Variants in ZBTB20 observed in about 807,000 individuals in gnomAD.
ZBTB20 encodes zinc finger and BTB domain-containing protein 20.
ZBTB20 carries 9 observed loss-of-function variants against 56.9 expected under a neutral mutation model. The observed-to-expected ratio is 0.16, with a 90% confidence interval of 0.10 to 0.28. The LOEUF is 0.28. Among genes scored for constraint, ZBTB20 ranks in the 10% least tolerant of loss-of-function variants. The probability of loss-of-function intolerance (pLI) is 1.00; values close to 1 mark genes in which losing one functional copy is unlikely to be tolerated. For missense variants in ZBTB20, 655 were observed against 1,003.0 expected (o/e 0.65, Z 4.69); for synonymous variants, 417 against 420.7 (o/e 0.99, Z 0.11).
At chr3:114,562,432 G>A (rs1260537365) in intron 6 of ZBTB20, among the ~76,000 whole-genome samples, 1 of 152,052 alleles carries the variant, frequency 6.6e-6, no homozygotes. Context: ...AAAAGTGCTG[G>A]GATTACAGGA....
intron 6 of ZBTB20, among the ~76,000 whole-genome samples, chr3:114,641,086 CCAGAAGGGAAA>C (rs1278904626): frequency 1.3e-4 from 20 of 151,916 alleles, no homozygotes; most frequent in Non-Finnish European, 2.6e-4. Context: ...ATTTTAAAAA[CCAGAAGGGAAA>C]GAACTACATA....
chr3:114,784,739 C>G (rs191259703), intron 5 of ZBTB20, among the ~76,000 whole-genome samples: 177 of 152,160 alleles, frequency 1.2e-3, no homozygotes, highest in Admixed American at 3.0e-3. Flanking sequence ...TGAATAAATG[C>G]CAGTTTTTCC....
In ZBTB20 at chr3:115,050,993, G is replaced by A. The variant is rs1025543676; in HGVS notation, c.-507+20226C>T. ...TTTTTAGCACAATCTTCAATTTCAGGTATAAGCTTCAATTCCTATACTCAG... is the reference window on the plus strand; with the variant it reads ...TTTTTAGCACAATCTTCAATTTCAGATATAAGCTTCAATTCCTATACTCAG... On this transcript the variant is annotated intron_variant, in intron 2 of 11. Transcript: ENST00000675478. 7.9e-5 allele frequency among the ~76,000 whole-genome samples: 12 copies of A among 152,008 alleles called. No individual in the cohort carries two copies. The East Asian group carries it at 1.7e-3, about 22-fold the overall frequency.
chr3:114,651,118 T>A (rs1165711205), intron 6 of ZBTB20, among the ~76,000 whole-genome samples: 1 of 152,130 alleles, frequency 6.6e-6, no homozygotes, highest in East Asian at 1.9e-4. Flanking sequence ...CTAGAATATG[T>A]GTTTAAAAAG....
chr3:114,944,076 T>C (rs2076809419), intron 3 of ZBTB20, among the ~76,000 whole-genome samples: 1 of 145,946 alleles, frequency 6.9e-6, no homozygotes, highest in Admixed American at 6.6e-5. Flanking sequence ...AACAAAGCCA[T>C]GATATCTTTA....
chr3:114,359,746 C>T (rs2081611009), intron 10 of ZBTB20, among the ~76,000 whole-genome samples: 1 of 152,176 alleles, frequency 6.6e-6, no homozygotes, highest in Non-Finnish European at 1.5e-5. Flanking sequence ...TTGAACTTGG[C>T]TTTGAATAGA....
At chr3:114,703,595 T>A (rs1224826858) in intron 5 of ZBTB20, among the ~76,000 whole-genome samples, 1 of 152,048 alleles carries the variant, frequency 6.6e-6, no homozygotes, top group Non-Finnish European at 1.5e-5. Flanking sequence ...TAACTCACAA[T>A]ACCCTTCTCA....
At chr3:114,801,760 G>C (rs1447321481) in intron 4 of ZBTB20, among the ~76,000 whole-genome samples, 1 of 151,698 alleles carries the variant, frequency 6.6e-6, no homozygotes, top group Non-Finnish European at 1.5e-5. Context: ...TATGGGTTTA[G>C]CGTGCCCCAT....
intron 5 of ZBTB20, among the ~76,000 whole-genome samples, chr3:114,782,538 A>T (rs921255580): frequency 6.6e-6 from 1 of 152,152 alleles, no homozygotes; most frequent in African/African-American, 2.4e-5. Context: ...CCCCTTAACC[A>T]TAATAACTTT....
intron 1 of ZBTB20, among the ~76,000 whole-genome samples, chr3:115,106,889 C>T (rs1052483667): frequency 6.6e-6 from 1 of 151,970 alleles, no homozygotes; most frequent in South Asian, 2.1e-4. Context: ...ATATCTGAAG[C>T]TCAAAAAAGT....
At chr3:115,018,567 G>A (rs906682228) in intron 2 of ZBTB20, among the ~76,000 whole-genome samples, 13 of 151,436 alleles carry the variant, frequency 8.6e-5, no homozygotes, top group African/African-American at 3.1e-4. Context: ...AGATTGATAT[G>A]TTCCCAAGAT....
At chr3:115,068,355 A>C (rs1237494197) in intron 2 of ZBTB20, among the ~76,000 whole-genome samples, 1 of 152,090 alleles carries the variant, frequency 6.6e-6, no homozygotes. Flanking sequence ...CAACCAACTA[A>C]AGAATAAACA....
chr3:114,361,541 C>G (rs1023136658), intron 10 of ZBTB20, among the ~76,000 whole-genome samples: 2 of 152,198 alleles, frequency 1.3e-5, no homozygotes, highest in Non-Finnish European at 2.9e-5. Flanking sequence ...ACTTTATAGG[C>G]TCCTTTGCCT....
chr3:114,470,420 C>T (rs2039994900), intron 7 of ZBTB20, among the ~76,000 whole-genome samples: 1 of 151,872 alleles, frequency 6.6e-6, no homozygotes, highest in African/African-American at 2.4e-5. Flanking sequence ...TTTTTATTTG[C>T]TTTTAAATAT....
At chr3:114,366,610 T>C (rs1025759690) in intron 10 of ZBTB20, 2 of 152,244 alleles carry the variant, frequency 1.3e-5, no homozygotes, top group African/African-American at 2.4e-5. Flanking sequence ...GTGTACAGTC[T>C]AGTTTGGCTT....
intron 5 of ZBTB20, among the ~76,000 whole-genome samples, chr3:114,792,919 A>G (rs190001109): frequency 1.4e-5 from 2 of 138,962 alleles, no homozygotes; most frequent in Non-Finnish European, 3.0e-5. Flanking sequence ...TTTGTTGCCC[A>G]GGCTGGAGTG....
At chr3:114,515,293 C>T (rs547342108) in intron 6 of ZBTB20, among the ~76,000 whole-genome samples, 4 of 152,098 alleles carry the variant, frequency 2.6e-5, no homozygotes, top group Non-Finnish European at 5.9e-5. Context: ...GTCTGGACGC[C>T]CATGGTTGTT....
intron 4 of ZBTB20, among the ~76,000 whole-genome samples, chr3:114,898,270 C>T (rs1006221545): frequency 6.6e-6 from 1 of 152,008 alleles, no homozygotes. Flanking sequence ...CAAAGTATTT[C>T]CAAGGTGACA....
chr3:114,518,150 G>T (rs2109890210), intron 6 of ZBTB20, among the ~76,000 whole-genome samples: 1 of 152,254 alleles, frequency 6.6e-6, no homozygotes, highest in South Asian at 2.1e-4. Flanking sequence ...CTTTAGGGCT[G>T]GGGTATGGGT....
Sources: gnomAD v4.1 joint callset for allele counts (sites outside exome capture counted in the v4.1 genomes callset) on GRCh38, gnomAD v4.1.1 for gene constraint, MANE v1.5 for transcripts, NCBI Gene and HGNC (gene_info 2026-07-23, HGNC 2026-07-21) for gene names.